MMP20: variants seen among roughly 807,000 people sequenced by gnomAD.
MMP20 encodes the protein matrix metalloproteinase-20.
In MMP20, 50 loss-of-function variants were observed where a neutral mutation model predicts 51.8. That is an observed-to-expected ratio of 0.97 (90% CI 0.77 to 1.22). The LOEUF is 1.22. Among genes scored for constraint, MMP20 ranks in the 50% most tolerant of loss-of-function variants. MMP20 has a pLI of 0.00. For missense variants in MMP20, 663 were observed against 601.4 expected, an observed-to-expected ratio of 1.10 and a Z score of -1.07; for synonymous variants, 244 against 216.2, an observed-to-expected ratio of 1.13 and a Z score of -1.13.
Position 102,608,909 on chromosome 11 carries a change from G to A in MMP20, c.811+28C>T, listed in dbSNP as rs762195428. ...ACTGAATGCCTGCCAATTTCAGGGT[G>A]AGTCATCAAAGAAGGTAATAATCTT... On this transcript the variant is annotated intron_variant, in intron 5 of 9. Transcript: ENST00000260228. 7 of 1,610,786 alleles carry A rather than the reference G, an allele frequency of 4.3e-6. 1 individual carries two copies. In the South Asian group the frequency reaches 6.6e-5, roughly 15 times the overall value.
chr11:102,577,358 C>T lies in MMP20; in HGVS notation c.1420G>A (p.Val474Met), dbSNP rs143537032. ...CCAATCCAGGAACTAGATTTCACCA[C>T]ACTAACCACATCTTCCTTCTCTGTG... is the stretch of plus-strand genomic sequence containing the variant. The part of the protein sequence containing the change: ...YDTEKEDVVS[V>M]VKSSSWIGC The change falls in exon 10 of 10, where the codon GTG becomes ATG. Residue 474 changes from valine (V) to methionine (M), a missense_variant. Physicochemically the swap from Val to Met is conservative, Grantham distance 21 (BLOSUM62 1). Transcript: ENST00000260228. The T allele has an allele frequency of 3.7e-6, 6 of 1,613,998 alleles. No individual in the cohort carries two copies. In the African/African-American group the frequency reaches 6.7e-5, roughly 18 times the overall value.
chr11:102,614,962 C>T (rs1384411019), intron 2 of MMP20, among the ~76,000 whole-genome samples: 1 of 151,648 alleles, frequency 6.6e-6, no homozygotes, highest in Non-Finnish European at 1.5e-5. Flanking sequence ...TGTACATAGC[C>T]TCATGAACAG....
intron 1 of MMP20, 111 bp downstream of exon 1, chr11:102,625,083 T>C (rs1859803312): frequency 1.5e-5 from 21 of 1,416,076 alleles, no homozygotes; most frequent in African/African-American, 2.8e-5. Context: ...AATGGACTTA[T>C]ATAAAATGAT....
At chr11:102,592,976 G>A (rs1317918018) in intron 8 of MMP20, among the ~76,000 whole-genome samples, 1 of 152,186 alleles carries the variant, frequency 6.6e-6, no homozygotes, top group Non-Finnish European at 1.5e-5. Context: ...TGGATAAAAG[G>A]ACTAAGCAAT....
At chr11:102,602,830 A>C (rs1318748650) in intron 6 of MMP20, among the ~76,000 whole-genome samples, 10 of 152,244 alleles carry the variant, frequency 6.6e-5, no homozygotes, top group Non-Finnish European at 1.5e-4. Context: ...TATATTGGGC[A>C]AAACCCAACA....
At position 102,624,668 on chromosome 11, in the gene MMP20, G is replaced by A. The variant is rs555489507; in HGVS notation, c.126+526C>T. ...GGGGAATATGCTTTAGGGAGAAAAG[G>A]CCTTCAAATGAGAAGTGGGTTGGCA... On this transcript the variant is annotated intron_variant, in intron 1 of 9. Coordinates refer to ENST00000260228, the MANE Select transcript of MMP20 (RefSeq NM_004771.4). Among the ~76,000 whole-genome samples, 27 of 152,130 alleles carry A rather than the reference G, an allele frequency of 1.8e-4. No homozygotes were observed. In the South Asian group the frequency reaches 3.7e-3, roughly 21 times the overall value.
chr11:102,594,646 C>G lies in MMP20; in HGVS notation c.1065G>C (p.Glu355Asp), dbSNP rs985515047. The G allele has an allele frequency of 6.2e-7, 1 of 1,613,876 alleles. No homozygotes were observed. The highest frequency in any genetic ancestry group is 8.5e-7 in the Non-Finnish European group (1 of 1,179,998). ...SNVDAAYEVA[E>D]RGTAYFFKGP... ...CTTTGAAGAAGTAAGCAGTGCCCCT[C>G]TCAGCCACTTCGTAAGCTGCATCCA... is the stretch of plus-strand genomic sequence containing the variant. Residue 355 changes from glutamate (E) to aspartate (D), a missense_variant, in exon 7 of 10, where the codon GAG (glutamate) becomes GAC (aspartate). Coordinates refer to ENST00000260228, the MANE Select transcript of MMP20 (RefSeq NM_004771.4).
chr11:102,595,346 T>C (rs762787597), intron 6 of MMP20, among the ~76,000 whole-genome samples: 1 of 152,228 alleles, frequency 6.6e-6, no homozygotes, highest in African/African-American at 2.4e-5. Flanking sequence ...TTTAAGGATG[T>C]TCAAAATAAT....
In MMP20 at chr11:102,584,113, C is replaced by G. The variant is rs1483962428; in HGVS notation, c.1248-4971G>C. On this transcript the variant is annotated intron_variant, in intron 8 of 9. Coordinates refer to ENST00000260228, the MANE Select transcript of MMP20 (RefSeq NM_004771.4). ...TATTTGTATACAGCTATTATGTGGA[C>G]TTATGTTTTTACTTCTCTTGGGTAT... is the stretch of plus-strand genomic sequence containing the variant. Among the ~76,000 whole-genome samples the G allele has an allele frequency of 3.9e-5, 6 of 151,960 alleles. No homozygotes were observed. The South Asian group carries it at 1.2e-3, about 32-fold the overall frequency.
intron 6 of MMP20, among the ~76,000 whole-genome samples, chr11:102,602,959 A>G (rs950493433): frequency 1.3e-5 from 2 of 152,244 alleles, no homozygotes; most frequent in Non-Finnish European, 2.9e-5. Flanking sequence ...CATCTATTAT[A>G]AAAAGTAAGT....
intron 8 of MMP20, among the ~76,000 whole-genome samples, chr11:102,584,107 T>C (rs1859227663): frequency 6.6e-6 from 1 of 152,336 alleles, no homozygotes; most frequent in African/African-American, 2.4e-5. Context: ...ACAGCTATTA[T>C]GTGGACTTAT....
At chr11:102,608,287 T>C (rs1387745876) in intron 5 of MMP20, among the ~76,000 whole-genome samples, 1 of 152,226 alleles carries the variant, frequency 6.6e-6, no homozygotes, top group Non-Finnish European at 1.5e-5. Context: ...TTCTGATGGA[T>C]TAATTGGTTT....
chr11:102,590,285 G>T (rs767068870), intron 8 of MMP20, among the ~76,000 whole-genome samples: 2 of 152,210 alleles, frequency 1.3e-5, no homozygotes, highest in African/African-American at 4.8e-5. Flanking sequence ...AGGAATAAAA[G>T]TAAGGGGAAG....
chr11:102,617,628 T>C (rs1859691627), intron 1 of MMP20, among the ~76,000 whole-genome samples: 1 of 152,234 alleles, frequency 6.6e-6, no homozygotes, highest in Non-Finnish European at 1.5e-5. Flanking sequence ...TGAGTTCAGA[T>C]GTGTTTAGTA....
chr11:102,592,323 C>T (rs1376341108), intron 8 of MMP20, among the ~76,000 whole-genome samples: 1 of 152,122 alleles, frequency 6.6e-6, no homozygotes, highest in African/African-American at 2.4e-5. Context: ...CTCATGACAC[C>T]GCATGACACT....
intron 3 of MMP20, among the ~76,000 whole-genome samples, chr11:102,610,668 C>A (rs1423852931): frequency 1.3e-5 from 2 of 151,140 alleles, no homozygotes; most frequent in Non-Finnish European, 2.9e-5. Context: ...CAATTCATTA[C>A]AAATTTAATA....
intron 2 of MMP20, among the ~76,000 whole-genome samples, chr11:102,613,266 G>A (rs1431519701): frequency 6.6e-6 from 1 of 152,174 alleles, no homozygotes; most frequent in African/African-American, 2.4e-5. Flanking sequence ...GGAAAGGCAG[G>A]GAGGGCAACT....
chr11:102,596,803 T>A (rs1219362130), intron 6 of MMP20, among the ~76,000 whole-genome samples: 1 of 152,212 alleles, frequency 6.6e-6, no homozygotes, highest in Non-Finnish European at 1.5e-5. Flanking sequence ...TCTTTGTTTG[T>A]ACTTTGACCC....
chr11:102,577,556 C>A (rs371228463), intron 9 of MMP20, 130 bp from the exon 10 acceptor site: 2 of 711,526 alleles, frequency 2.8e-6, no homozygotes, highest in Non-Finnish European at 5.1e-6. Context: ...TGGCAGTTAG[C>A]TTGTCTTCTG....
Sources: gnomAD v4.1 joint callset for allele counts (sites outside exome capture counted in the v4.1 genomes callset) on GRCh38, gnomAD v4.1.1 for gene constraint, MANE v1.5 for transcripts, NCBI Gene and HGNC (gene_info 2026-07-23, HGNC 2026-07-21) for gene names.